ZNF721: variants seen among roughly 807,000 people sequenced by gnomAD.
The protein encoded by ZNF721 is zinc finger protein 721.
In ZNF721, 2 loss-of-function variants were observed where a neutral mutation model predicts 2.4. The observed-to-expected ratio is 0.82, with a 90% CI of 0.34 to 2.58. The LOEUF is 2.58. Ranked by LOEUF, ZNF721 falls within the 30% of genes most tolerant of loss-of-function variation. The pLI, the probability that ZNF721 is intolerant of heterozygous loss-of-function variation, is 0.11. For synonymous variants in ZNF721, 398 were observed against 381.8 expected (o/e 1.04, Z -0.50); for missense variants, 1,187 against 1,085.5 (o/e 1.09, Z -1.31).
intron 2 of ZNF721, 63 bp downstream of exon 2, chr4:472,512 T>C: frequency 6.5e-7 from 1 of 1,543,714 alleles, no homozygotes; most frequent in East Asian, 2.3e-5. Flanking sequence ...AAAGACATTC[T>C]ACAAAAATAG....
At chr4:463,349 G>A (rs923465923) in intron 2 of ZNF721, among the ~76,000 whole-genome samples, 2 of 152,266 alleles carry the variant, frequency 1.3e-5, no homozygotes, top group Admixed American at 6.5e-5. Flanking sequence ...ACAGTGTGGC[G>A]ATTCCTCAAG....
At chr4:485,679 G>A (rs1419409499) in intron 1 of ZNF721, among the ~76,000 whole-genome samples, 1 of 152,146 alleles carries the variant, frequency 6.6e-6, no homozygotes, top group Non-Finnish European at 1.5e-5. Context: ...CATTGCCTGG[G>A]TCTCACTCTA....
chr4:484,825 T>C (rs1715853033), intron 1 of ZNF721, among the ~76,000 whole-genome samples: 1 of 152,238 alleles, frequency 6.6e-6, no homozygotes, highest in South Asian at 2.1e-4. Flanking sequence ...CCACTTGCCT[T>C]GTGATATTCT....
intron 2 of ZNF721, among the ~76,000 whole-genome samples, chr4:455,430 G>A (rs1222836168): frequency 6.6e-6 from 1 of 152,078 alleles, no homozygotes; most frequent in African/African-American, 2.4e-5. Context: ...AGCTGGACAT[G>A]GTAGTGCACA....
At chr4:448,094 C>T (rs762819212) in intron 2 of ZNF721, among the ~76,000 whole-genome samples, 32 of 152,060 alleles carry the variant, frequency 2.1e-4, no homozygotes, top group Non-Finnish European at 3.8e-4. Context: ...CACTGCTCAA[C>T]GAGAATACAC....
intron 1 of ZNF721, among the ~76,000 whole-genome samples, chr4:487,064 G>C (rs1715915353): frequency 6.6e-6 from 1 of 152,128 alleles, no homozygotes; most frequent in African/African-American, 2.4e-5. Flanking sequence ...TAGTAGCTGT[G>C]GGATAGTTAT....
At chr4:451,060 CA>C (rs1293288010) in intron 2 of ZNF721, among the ~76,000 whole-genome samples, 1 of 143,324 alleles carries the variant, frequency 7.0e-6, no homozygotes, top group Admixed American at 7.2e-5. Context: ...TTATTATTTA[CA>C]AAAGACAATT....
chr4:456,023 G>C (rs1553865380), intron 2 of ZNF721, among the ~76,000 whole-genome samples: 1 of 151,456 alleles, frequency 6.6e-6, no homozygotes, highest in Non-Finnish European at 1.5e-5. Flanking sequence ...ACCTACAAAA[G>C]AAAACAGTCA....
At chr4:479,814 G>C (rs1191750425) in intron 1 of ZNF721, among the ~76,000 whole-genome samples, 1 of 152,212 alleles carries the variant, frequency 6.6e-6, no homozygotes, top group Non-Finnish European at 1.5e-5. Context: ...CTTGCTCTCT[G>C]AGGCACCTTT....
At chr4:495,070 G>C (rs868908222) in intron 1 of ZNF721, among the ~76,000 whole-genome samples, 1 of 151,848 alleles carries the variant, frequency 6.6e-6, no homozygotes, top group African/African-American at 2.4e-5. Context: ...TTTTAATAGA[G>C]ACGAGGTTTC....
chr4:444,576 C>A, intron 2 of ZNF721, 144 bp from the exon 3 acceptor site: 1 of 871,070 alleles, frequency 1.1e-6, no homozygotes, highest in Non-Finnish European at 1.7e-6. Context: ...ATACATGTAA[C>A]AAACATATGG....
chr4:497,653 C>A (rs1399163113), intron 1 of ZNF721, among the ~76,000 whole-genome samples: 1 of 150,036 alleles, frequency 6.7e-6, no homozygotes, highest in Non-Finnish European at 1.5e-5. Flanking sequence ...CTTTGGGAGA[C>A]AGAGGCGGGC....
rs781975068 is a variant in ZNF721, at chr4:444,054, G to A, written c.413C>T (p.Thr138Ile). The change falls in exon 3 of 3, where the codon ACT becomes ATT. Residue 138 changes from threonine (T) to isoleucine (I), a missense_variant. Coordinates refer to ENST00000511833, the MANE Select transcript of ZNF721 (RefSeq NM_133474.4). ...KGIHAGEKPY[T>I]CEERGKDFGW... ...AAAGTCTTTGCCACGTTCTTCACAA[G>A]TGTAGGGTTTCTCTCCAGCATGAAT... 1.9e-6 allele frequency: 3 copies of A among 1,613,686 alleles called. No individual in the cohort carries two copies. Among genetic ancestry groups the A allele is most frequent in the South Asian group, 1.1e-5 (1 of 91,050 alleles).
At chr4:496,150 G>A (rs935325775) in intron 1 of ZNF721, among the ~76,000 whole-genome samples, 1 of 130,202 alleles carries the variant, frequency 7.7e-6, no homozygotes, top group East Asian at 2.1e-4. Flanking sequence ...CCTTTTTTGT[G>A]TGTGGGGGGT....
intron 1 of ZNF721, among the ~76,000 whole-genome samples, chr4:494,649 C>T (rs181721686): frequency 6.6e-6 from 1 of 152,180 alleles, no homozygotes; most frequent in Admixed American, 6.5e-5. Context: ...GCAAAATTTT[C>T]ATCATAAGGT....
chr4:491,834 G>A (rs1237103068), intron 1 of ZNF721, among the ~76,000 whole-genome samples: 1 of 151,918 alleles, frequency 6.6e-6, no homozygotes, highest in Non-Finnish European at 1.5e-5. Context: ...CATACAGAAA[G>A]ATAAACGGAT....
chr4:450,029 C>A (rs1255751299), intron 2 of ZNF721, among the ~76,000 whole-genome samples: 1 of 152,178 alleles, frequency 6.6e-6, no homozygotes, highest in African/African-American at 2.4e-5. Flanking sequence ...GGTATTTTAA[C>A]ACTGTTTCTT....
At position 443,943 on chromosome 4, in the gene ZNF721, T is replaced by G. The variant is rs782301352; in HGVS notation, c.524A>C (p.Asn175Thr). Residue 175 changes from asparagine (N) to threonine (T), a missense_variant, in exon 3 of 3, where the codon AAT (asparagine) becomes ACT (threonine). Asn to Thr is a moderately conservative substitution (Grantham distance 65). Coordinates refer to ENST00000511833, the MANE Select transcript of ZNF721 (RefSeq NM_133474.4). ...YKCEECGKAF[N>T]RSTNLTAHKR... The stretch of plus-strand genomic sequence containing the variant: ...ATGTGCAGTAAGGTTTGTTGACCTA[T>G]TAAAGGCTTTGCCACATTCTTCACA... 3.7e-5 allele frequency: 59 copies of G among 1,612,894 alleles called. No individual in the cohort carries two copies. The highest frequency in any genetic ancestry group is 4.6e-5 in the Non-Finnish European group (54 of 1,179,658).
intron 2 of ZNF721, among the ~76,000 whole-genome samples, chr4:468,551 A>G (rs1290739633): frequency 6.6e-6 from 1 of 152,184 alleles, no homozygotes; most frequent in Non-Finnish European, 1.5e-5. Flanking sequence ...TGCCTGCCAT[A>G]TAGATTAATG....
Sources: allele counts gnomAD v4.1 joint callset (sites outside exome capture counted in the v4.1 genomes callset), GRCh38; gene constraint gnomAD v4.1.1; transcripts MANE v1.5; gene names NCBI Gene and HGNC (gene_info 2026-07-23, HGNC 2026-07-21).